NETO2: variants seen among roughly 807,000 people sequenced by gnomAD.
NETO2 encodes the protein neuropilin and tolloid like 2.
NETO2 carries 28 observed loss-of-function variants against 62.5 expected under a neutral mutation model. The ratio of observed to expected loss-of-function variants is 0.45; its 90% confidence interval spans 0.33 to 0.61. The LOEUF (loss-of-function observed/expected upper bound fraction) is 0.61, where lower values mean the gene tolerates loss of function less well. Ranked by LOEUF, NETO2 falls within the 20% of genes least tolerant of loss-of-function variation. The pLI, the probability that NETO2 is intolerant of heterozygous loss-of-function variation, is 0.02. For synonymous variants in NETO2, 214 were observed against 219.1 expected (o/e 0.98, Z 0.21); for missense variants, 548 against 643.2 (o/e 0.85, Z 1.60).
rs529363502 is a variant in NETO2 at position 47,094,800 on chromosome 16, C to T, written c.884-8461G>A. On this transcript the variant is annotated intron_variant, in intron 7 of 8. Coordinates refer to ENST00000562435, the MANE Select transcript of NETO2 (RefSeq NM_018092.5). ...GTGGTGCAATCTTAGCTCACTCCAA[C>T]CTCTGCCTCCTGGGTTCAAGTGATC... Among the ~76,000 whole-genome samples, 4 of 152,260 alleles carry T rather than the reference C, an allele frequency of 2.6e-5. No individual in the cohort carries two copies. The South Asian group carries it at 6.2e-4, about 24-fold the overall frequency.
At chr16:47,129,482 G>C in intron 2 of NETO2, 118 bp from the exon 3 acceptor site, 4 of 1,030,468 alleles carry the variant, frequency 3.9e-6, no homozygotes, top group Non-Finnish European at 5.7e-6. Context: ...AATTTTCTAA[G>C]AACCACTGTC....
Position 47,122,683 on chromosome 16 carries a change from T to C in NETO2, c.628A>G (p.Thr210Ala). 3 of 1,614,176 alleles carry C rather than the reference T, an allele frequency of 1.9e-6. No individual in the cohort carries two copies. The highest frequency in any genetic ancestry group is 2.5e-6 in the Non-Finnish European group (3 of 1,180,028). ...TTAGCTTTTGGAGTGGCTTTAATGG[T>C]CCAGATGCAATCAACGGCTTGGCCT... ...KPGQAVDCIW[T>A]IKATPKAKIY... Residue 210 changes from threonine (T) to alanine (A), a missense_variant, in exon 6 of 9, where the codon ACC becomes GCC. Thr to Ala is a moderately conservative substitution (Grantham distance 58). Coordinates refer to ENST00000562435, the MANE Select transcript of NETO2 (RefSeq NM_018092.5).
chr16:47,097,255 C>T (rs1963445726), intron 7 of NETO2, among the ~76,000 whole-genome samples: 1 of 152,232 alleles, frequency 6.6e-6, no homozygotes, highest in Non-Finnish European at 1.5e-5. Flanking sequence ...CGGGGCCCTT[C>T]AGACGAAGAT....
At chr16:47,123,218 A>G (rs1476717010) in intron 4 of NETO2, among the ~76,000 whole-genome samples, 1 of 152,196 alleles carries the variant, frequency 6.6e-6, no homozygotes, top group Non-Finnish European at 1.5e-5. Context: ...TTGGCCTTAA[A>G]AAGGAATGAA....
chr16:47,132,102 A>G (rs1444789471), intron 1 of NETO2, 77 bp from the exon 2 acceptor site: 21 of 1,113,154 alleles, frequency 1.9e-5, no homozygotes, highest in Non-Finnish European at 2.7e-5. Context: ...ATAAAATTGG[A>G]TGACAAAAAA....
intron 1 of NETO2, among the ~76,000 whole-genome samples, chr16:47,135,909 T>C (rs1335510480): frequency 1.3e-5 from 2 of 152,124 alleles, no homozygotes; most frequent in Non-Finnish European, 1.5e-5. Flanking sequence ...TTTGAAAAAT[T>C]ATTACACCTA....
rs375197707 is a variant in NETO2, at chr16:47,082,083, T to G, written c.*1138A>C. The G allele has an allele frequency of 1.3e-5, 2 of 152,714 alleles. No individual in the cohort carries two copies. The highest frequency in any genetic ancestry group is 4.1e-4 in the South Asian group (2 of 4,822). 9.5% of individuals were successfully genotyped at this position (152,714 alleles called of 1,614,324 possible). ...AATATCAAAAGTCTAAAAAACACAA[T>G]GAGCTTTTATGTTTATAAATTATTG... On this transcript the variant is annotated 3_prime_UTR_variant, in exon 9 of 9. Coordinates refer to ENST00000562435, the MANE Select transcript of NETO2 (RefSeq NM_018092.5).
chr16:47,130,462 AT>A (rs1964243053), intron 2 of NETO2, among the ~76,000 whole-genome samples: 1 of 151,308 alleles, frequency 6.6e-6, no homozygotes, highest in Admixed American at 6.6e-5. Context: ...ATAAATAATA[AT>A]AATAATAAAA....
chr16:47,084,972 C>T (rs1963153823), intron 8 of NETO2, among the ~76,000 whole-genome samples: 1 of 152,186 alleles, frequency 6.6e-6, no homozygotes, highest in Admixed American at 6.5e-5. Context: ...CTGCCCCACC[C>T]CTGTTCTGTG....
chr16:47,103,100 C>A (rs1285807163), intron 7 of NETO2, among the ~76,000 whole-genome samples: 1 of 152,136 alleles, frequency 6.6e-6, no homozygotes, highest in East Asian at 1.9e-4. Context: ...CCATGGAATA[C>A]TATGCAGCCA....
intron 7 of NETO2, among the ~76,000 whole-genome samples, chr16:47,089,301 C>T (rs945672635): frequency 2.0e-5 from 3 of 152,108 alleles, no homozygotes; most frequent in South Asian, 2.1e-4. Context: ...CAGCAGAAAG[C>T]AGAAAAAAAC....
intron 4 of NETO2, among the ~76,000 whole-genome samples, chr16:47,124,322 T>G (rs915506145): frequency 6.6e-6 from 1 of 152,210 alleles, no homozygotes; most frequent in African/African-American, 2.4e-5. Context: ...CTATTTCATA[T>G]GTATTCCAGA....
rs1455283187 is a variant in NETO2, at chr16:47,128,391, T to C, written c.415A>G (p.Ile139Val). 6.2e-6 allele frequency: 10 copies of C among 1,614,116 alleles called. No homozygotes were observed. Among genetic ancestry groups the C allele is most frequent in the South Asian group, 1.1e-5 (1 of 91,082 alleles). Residue 139 changes from isoleucine (I) to valine (V), a missense_variant, in exon 4 of 9, where the codon ATT (isoleucine) becomes GTT (valine). Transcript: ENST00000562435. ...LIRSTGRFMW[I>V]KFSSDEELEG... ...AGCTCTTCATCAGAACTAAACTTAATCCACATGAATCTCCCTGTTGATCTA... is the reference window on the plus strand; with the variant it reads ...AGCTCTTCATCAGAACTAAACTTAACCCACATGAATCTCCCTGTTGATCTA...
Position 47,128,328 on chromosome 16 carries a change from G to C in NETO2, c.478C>G (p.Pro160Ala), listed in dbSNP as rs766330234. ...LGFRAKYSFIPDPDFTYLGGI... is the reference protein window; with the variant it reads ...LGFRAKYSFIADPDFTYLGGI... ...TAAAAGATAACTTATTCTTTACCTG[G>C]AATAAATGAATATTTTGCTCGAAAT... is the stretch of plus-strand genomic sequence containing the variant. The change falls in exon 4 of 9, where the codon CCA becomes GCA. Residue 160 changes from proline to alanine, a missense_variant. Physicochemically the swap from Pro to Ala is conservative, Grantham distance 27. Coordinates refer to ENST00000562435, the MANE Select transcript of NETO2 (RefSeq NM_018092.5). The C allele has an allele frequency of 6.2e-7, 1 of 1,612,736 alleles. No homozygotes were observed. The highest frequency in any genetic ancestry group is 1.7e-5 in the Admixed American group (1 of 59,846).
chr16:47,090,754 T>C (rs1370741139), intron 7 of NETO2, among the ~76,000 whole-genome samples: 1 of 152,258 alleles, frequency 6.6e-6, no homozygotes, highest in Non-Finnish European at 1.5e-5. Flanking sequence ...TCCTAGAAAT[T>C]ATTTTCCTAA....
chr16:47,109,042 ATT>A (rs1963734284), intron 7 of NETO2, among the ~76,000 whole-genome samples: 1 of 152,214 alleles, frequency 6.6e-6, no homozygotes. Context: ...AATCTCTACC[ATT>A]TGTTTACACC....
At chr16:47,101,636 C>G (rs1963547052) in intron 7 of NETO2, among the ~76,000 whole-genome samples, 1 of 152,090 alleles carries the variant, frequency 6.6e-6, no homozygotes, top group African/African-American at 2.4e-5. Context: ...TTCCTATACA[C>G]CAATAATAGA....
intron 5 of NETO2, 24 bp from the exon 6 acceptor site, chr16:47,122,808 T>A: frequency 6.2e-7 from 1 of 1,613,844 alleles, no homozygotes; most frequent in South Asian, 1.1e-5. Flanking sequence ...ATGAAAGGTG[T>A]TCAAAGGAAC....
intron 7 of NETO2, among the ~76,000 whole-genome samples, chr16:47,099,123 G>A (rs1183898455): frequency 6.6e-6 from 1 of 152,174 alleles, no homozygotes; most frequent in East Asian, 1.9e-4. Context: ...CTCCCAAAGT[G>A]CTGGGATTAC....
Sources: allele counts gnomAD v4.1 joint callset (sites outside exome capture counted in the v4.1 genomes callset), GRCh38; gene constraint gnomAD v4.1.1; transcripts MANE v1.5; gene names NCBI Gene and HGNC (gene_info 2026-07-23, HGNC 2026-07-21).